Variants in CCSER1 observed in about 807,000 individuals in gnomAD.
CCSER1 encodes the protein coiled-coil serine rich protein 1, also known as serine-rich coiled-coil domain-containing protein 1.
CCSER1 carries 41 observed loss-of-function variants against 82.0 expected under a neutral mutation model. The observed-to-expected ratio is 0.50, with a 90% CI of 0.39 to 0.65. The LOEUF (loss-of-function observed/expected upper bound fraction) is 0.65, where lower values mean the gene tolerates loss of function less well. Among genes scored for constraint, CCSER1 ranks in the 30% least tolerant of loss-of-function variants. The probability of loss-of-function intolerance (pLI) is 0.00; values close to 1 mark genes in which losing one functional copy is unlikely to be tolerated. For missense variants in CCSER1, 1,119 were observed against 1,064.2 expected, an observed-to-expected ratio of 1.05 and a Z score of -0.72; for synonymous variants, 414 against 383.9, an observed-to-expected ratio of 1.08 and a Z score of -0.92.
intron 5 of CCSER1, among the ~76,000 whole-genome samples, chr4:90,588,391 A>C (rs949495221): frequency 6.6e-6 from 1 of 152,164 alleles, no homozygotes; most frequent in Admixed American, 6.5e-5. Flanking sequence ...CATGGAGTAG[A>C]TTTAATCTCA....
At chr4:91,400,622 G>A (rs1228933671) in intron 10 of CCSER1, among the ~76,000 whole-genome samples, 2 of 150,118 alleles carry the variant, frequency 1.3e-5, no homozygotes, top group African/African-American at 4.9e-5. Context: ...CTCATCTTTG[G>A]AACACTATTT....
At chr4:90,414,090 AT>A (rs1424866563) in intron 4 of CCSER1, among the ~76,000 whole-genome samples, 2 of 141,098 alleles carry the variant, frequency 1.4e-5, no homozygotes, top group Non-Finnish European at 3.0e-5. Context: ...GGATATTATT[AT>A]TTTTATGAAA....
intron 1 of CCSER1, among the ~76,000 whole-genome samples, chr4:90,128,256 G>A (rs946116838): frequency 1.3e-5 from 2 of 152,094 alleles, no homozygotes; most frequent in African/African-American, 4.8e-5. Flanking sequence ...CCCGGGCTGC[G>A]GGTGCTGAGG....
chr4:91,328,354 C>T lies in CCSER1; in HGVS notation c.2217+242360C>T, dbSNP rs536555747. The stretch of plus-strand genomic sequence containing the variant: ...AAGGTAAAGGGGAAGTAAGCACATC[C>T]TCACATCAGAGCAGGAAAGAAAGTG... On this transcript the variant is annotated intron_variant, in intron 10 of 10. Transcript: ENST00000509176. 2.0e-3 allele frequency among the ~76,000 whole-genome samples: 312 copies of T among 152,296 alleles called. 2 individuals carry two copies. Among genetic ancestry groups the T allele is most frequent in the African/African-American group, 6.5e-3 (271 of 41,570 alleles).
intron 10 of CCSER1, among the ~76,000 whole-genome samples, chr4:91,221,511 A>G (rs1456680282): frequency 6.6e-6 from 1 of 152,184 alleles, no homozygotes; most frequent in Non-Finnish European, 1.5e-5. Context: ...ACATTTTCTG[A>G]GAAAAATTAA....
At chr4:90,945,165 T>C (rs1732081338) in intron 9 of CCSER1, among the ~76,000 whole-genome samples, 3 of 152,236 alleles carry the variant, frequency 2.0e-5, no homozygotes, top group East Asian at 3.9e-4. Context: ...GTGATTTAAC[T>C]AGGAAAAAAA....
At chr4:91,185,312 A>G (rs1482544503) in intron 10 of CCSER1, among the ~76,000 whole-genome samples, 4 of 152,244 alleles carry the variant, frequency 2.6e-5, no homozygotes, top group Non-Finnish European at 4.4e-5. Flanking sequence ...AGGGAACAGA[A>G]GTAGATATAA....
intron 8 of CCSER1, among the ~76,000 whole-genome samples, chr4:90,824,868 G>T (rs1561202337): frequency 1.3e-5 from 2 of 152,078 alleles, no homozygotes; most frequent in Non-Finnish European, 1.5e-5. Flanking sequence ...AAAGTGTCAG[G>T]CTACTTTCCT....
intron 7 of CCSER1, among the ~76,000 whole-genome samples, chr4:90,795,275 A>T (rs59525488): frequency 0.35 from 51,832 of 148,890 alleles, 9,403 homozygotes; most frequent in African/African-American, 0.46. Context: ...CAACAAGGGC[A>T]AAACTCTGTC....
chr4:91,275,442 A>G (rs1742358026), intron 10 of CCSER1, among the ~76,000 whole-genome samples: 1 of 152,030 alleles, frequency 6.6e-6, no homozygotes. Context: ...CATTTTTTCA[A>G]CTACCTGTTG....
intron 7 of CCSER1, among the ~76,000 whole-genome samples, chr4:90,739,710 G>T (rs1318753049): frequency 1.3e-5 from 2 of 152,126 alleles, no homozygotes; most frequent in Non-Finnish European, 2.9e-5. Context: ...ACTGAGCTCT[G>T]CCCTGAGTCA....
At position 90,628,150 on chromosome 4, in the gene CCSER1, A is replaced by T; in HGVS notation, c.1850A>T (p.Asp617Val). Residue 617 changes from aspartate (D) to valine (V), a missense_variant, in exon 6 of 11, where the codon GAT becomes GTT. Transcript: ENST00000509176. ...GGTGTGGAAGAAAACGGAGGCATAG[A>T]TTCTCTGCCATTCAGACTGATGTTA... ...LQGVEENGGI[D>V]SLPFRLMLQD... is the part of the protein sequence containing the mutation. 6.2e-7 allele frequency: 1 copy of T among 1,613,864 alleles called. No individual in the cohort carries two copies. Among genetic ancestry groups the T allele is most frequent in the Non-Finnish European group, 8.5e-7 (1 of 1,179,794 alleles).
At chr4:90,620,128 G>A (rs1722040252) in intron 5 of CCSER1, among the ~76,000 whole-genome samples, 2 of 152,124 alleles carry the variant, frequency 1.3e-5, no homozygotes, top group South Asian at 4.1e-4. Context: ...TTTGGACAAG[G>A]AAACTAATTT....
intron 10 of CCSER1, among the ~76,000 whole-genome samples, chr4:91,333,999 G>T (rs926955470): frequency 2.0e-5 from 3 of 151,980 alleles, no homozygotes; most frequent in African/African-American, 7.2e-5. Context: ...TTGGAAAATG[G>T]ACATCATCTA....
At chr4:90,407,403 C>G (rs192567080) in intron 4 of CCSER1, among the ~76,000 whole-genome samples, 1 of 152,288 alleles carries the variant, frequency 6.6e-6, no homozygotes, top group Non-Finnish European at 1.5e-5. Flanking sequence ...GATGGATTCA[C>G]AACTGAATTC....
At chr4:90,138,259 A>G (rs1263389339) in intron 1 of CCSER1, among the ~76,000 whole-genome samples, 2 of 152,010 alleles carry the variant, frequency 1.3e-5, no homozygotes, top group Non-Finnish European at 2.9e-5. Flanking sequence ...TGGCACAGTC[A>G]TATCTCAATA....
intron 10 of CCSER1, among the ~76,000 whole-genome samples, chr4:91,166,812 T>C (rs1326691747): frequency 6.6e-6 from 1 of 152,220 alleles, no homozygotes; most frequent in Non-Finnish European, 1.5e-5. Context: ...ATTTATTTGC[T>C]TTAATTTTTC....
At chr4:91,444,387 A>G (rs1755413640) in intron 10 of CCSER1, among the ~76,000 whole-genome samples, 1 of 152,158 alleles carries the variant, frequency 6.6e-6, no homozygotes, top group Admixed American at 6.6e-5. Flanking sequence ...CAATAATAGG[A>G]AAGCAAAGTG....
chr4:90,492,138 G>T (rs967142602), intron 5 of CCSER1, among the ~76,000 whole-genome samples: 1 of 152,026 alleles, frequency 6.6e-6, no homozygotes, highest in Non-Finnish European at 1.5e-5. Context: ...GTGTGAATCT[G>T]TCTGGTCCTG....
Sources: allele counts gnomAD v4.1 joint callset (sites outside exome capture counted in the v4.1 genomes callset), GRCh38; gene constraint gnomAD v4.1.1; transcripts MANE v1.5; gene names NCBI Gene and HGNC (gene_info 2026-07-23, HGNC 2026-07-21).